Variants in TAF12 observed in about 807,000 individuals in gnomAD.
The protein encoded by TAF12 is TATA-box binding protein associated factor 12.
Under a neutral mutation model 20.8 loss-of-function variants are expected in TAF12, and 3 were observed. The observed-to-expected ratio is 0.14, with a 90% CI of 0.07 to 0.37. TAF12 has a LOEUF of 0.37. Ranked by LOEUF, TAF12 falls within the 10% of genes least tolerant of loss-of-function variation. The pLI is 1.00. For missense variants in TAF12, 131 were observed against 197.9 expected (o/e 0.66, Z 2.03); for synonymous variants, 69 against 70.2 (o/e 0.98, Z 0.09).
chr1:28,646,380 C>G (rs2124402513), upstream of TAF12: 1 of 152,280 alleles, frequency 6.6e-6, no homozygotes. Flanking sequence ...CATCTGCTTC[C>G]TATTACAATG....
chr1:28,610,778 G>A (rs977188895), intron 4 of TAF12, among the ~76,000 whole-genome samples: 1 of 151,850 alleles, frequency 6.6e-6, no homozygotes, highest in East Asian at 1.9e-4. Context: ...TGGCCAATAT[G>A]GTGAAACCCC....
chr1:28,619,198 A>C (rs1667130629), intron 2 of TAF12, among the ~76,000 whole-genome samples: 1 of 151,992 alleles, frequency 6.6e-6, no homozygotes, highest in South Asian at 2.1e-4. Context: ...ATTTAAAAAA[A>C]ACATCTACAA....
At chr1:28,627,569 T>C (rs1197201043) in intron 1 of TAF12, among the ~76,000 whole-genome samples, 1 of 147,034 alleles carries the variant, frequency 6.8e-6, no homozygotes, top group Non-Finnish European at 1.5e-5. Flanking sequence ...GGCGGGCACC[T>C]GCAGTCCCAG....
chr1:28,645,325 G>A (rs1668157486), upstream of TAF12, among the ~76,000 whole-genome samples: 1 of 149,804 alleles, frequency 6.7e-6, no homozygotes, highest in South Asian at 2.1e-4. Flanking sequence ...AGGAGCCACT[G>A]CGCCCGGCCT....
chr1:28,622,360 GAAAAAAA>G (rs1033224931), intron 1 of TAF12, among the ~76,000 whole-genome samples, 195 bp from the exon 2 acceptor site: 41 of 78,006 alleles, frequency 5.3e-4, no homozygotes, highest in Non-Finnish European at 5.3e-4. Context: ...TCTCTACCAA[GAAAAAAA>G]AAAAAAAAAA....
At chr1:28,627,013 C>CT (rs1045036002) in intron 1 of TAF12, among the ~76,000 whole-genome samples, 1 of 149,878 alleles carries the variant, frequency 6.7e-6, no homozygotes, top group Non-Finnish European at 1.5e-5. Context: ...ATTTTTTTTT[C>CT]TTTTTTTGTT....
rs552418135 is a variant in TAF12 at position 28,624,470 on chromosome 1, G to A, written c.-84-2305C>T. ...CTTTCTAATATGAGAAATCTGGCCC[G>A]GCCCAGTGGCTCATGCCTGTAATCC... is the stretch of plus-strand genomic sequence containing the variant. On this transcript the variant is annotated intron_variant, in intron 1 of 5. Transcript: ENST00000373824. 3.9e-5 allele frequency among the ~76,000 whole-genome samples: 6 copies of A among 152,268 alleles called. No individual in the cohort carries two copies. The South Asian group carries it at 8.3e-4, about 21-fold the overall frequency.
At chr1:28,619,855 CAGG>C (rs1667154114) in intron 2 of TAF12, among the ~76,000 whole-genome samples, 1 of 150,154 alleles carries the variant, frequency 6.7e-6, no homozygotes, top group East Asian at 2.0e-4. Context: ...GAGGCTGAGG[CAGG>C]AGAATAGCTT....
intron 4 of TAF12, among the ~76,000 whole-genome samples, chr1:28,611,270 G>A (rs1666852389): frequency 6.6e-6 from 1 of 151,918 alleles, no homozygotes; most frequent in Admixed American, 6.6e-5. Flanking sequence ...TGGGAGGGTT[G>A]GGAGGGACGG....
chr1:28,636,925 A>G (rs1374555857), intron 1 of TAF12, among the ~76,000 whole-genome samples: 2 of 152,178 alleles, frequency 1.3e-5, no homozygotes, highest in African/African-American at 4.8e-5. Flanking sequence ...GTACATTGTG[A>G]TAGGCCTGTG....
intron 1 of TAF12, among the ~76,000 whole-genome samples, chr1:28,636,119 T>C (rs1374426008): frequency 6.6e-6 from 1 of 152,194 alleles, no homozygotes; most frequent in Non-Finnish European, 1.5e-5. Context: ...TCTGTGAGAC[T>C]CGAGAGCAAT....
intron 1 of TAF12, 129 bp from the exon 2 acceptor site, chr1:28,622,294 A>G (rs543229576): frequency 1.2e-6 from 1 of 852,754 alleles, no homozygotes; most frequent in East Asian, 5.2e-5. Context: ...CCCAGGTGGT[A>G]GCATCACTTG....
chr1:28,640,032 G>A (rs184316708), intron 1 of TAF12, among the ~76,000 whole-genome samples: 78 of 151,374 alleles, frequency 5.2e-4, no homozygotes, highest in East Asian at 2.7e-3. Flanking sequence ...TAGTAGAGAC[G>A]GGGTTTTGCC....
chr1:28,605,537 C>G, intron 4 of TAF12, 77 bp from the exon 5 acceptor site: 1 of 1,408,686 alleles, frequency 7.1e-7, no homozygotes, highest in Non-Finnish European at 9.9e-7. Flanking sequence ...CCCCTTGGAT[C>G]AGGGAGGATG....
At chr1:28,631,002 G>GCCACTGCACTCCA (rs1667598638) in intron 1 of TAF12, among the ~76,000 whole-genome samples, 2 of 139,376 alleles carry the variant, frequency 1.4e-5, no homozygotes, top group African/African-American at 5.4e-5. Context: ...CTGAGACCGT[G>GCCACTGCACTCCA]CCACTGCACT....
intron 3 of TAF12, among the ~76,000 whole-genome samples, chr1:28,615,707 A>G (rs1255788606): frequency 1.3e-5 from 2 of 150,316 alleles, no homozygotes; most frequent in Non-Finnish European, 3.0e-5. Flanking sequence ...AAAAAAAAAA[A>G]AAAAAGAAGC....
At chr1:28,613,175 T>C in intron 4 of TAF12, 72 bp downstream of exon 4, 1 of 1,318,694 alleles carries the variant, frequency 7.6e-7, no homozygotes, top group Non-Finnish European at 1.0e-6. Flanking sequence ...AAGGTTCCTC[T>C]GACTACACTT....
At chr1:28,644,540 A>G (rs576769794), upstream of TAF12, among the ~76,000 whole-genome samples, 1 of 152,236 alleles carries the variant, frequency 6.6e-6, no homozygotes, top group African/African-American at 2.4e-5. Context: ...GCCTTTTGCT[A>G]TGTGCTGAGT....
chr1:28,616,366 A>G (rs1016284532), intron 3 of TAF12, among the ~76,000 whole-genome samples: 4 of 151,134 alleles, frequency 2.6e-5, no homozygotes, highest in African/African-American at 9.7e-5. Flanking sequence ...ACTGCACTCC[A>G]GCCTGGGCAG....
Sources: gnomAD v4.1 joint callset for allele counts (sites outside exome capture counted in the v4.1 genomes callset) on GRCh38, gnomAD v4.1.1 for gene constraint, MANE v1.5 for transcripts, NCBI Gene and HGNC (gene_info 2026-07-23, HGNC 2026-07-21) for gene names.